The following NPAS2 variants were observed in gnomAD, a reference collection of about 807,000 sequenced individuals.
The protein encoded by NPAS2 is neuronal PAS domain protein 2.
A neutral mutation model predicts 107.5 loss-of-function variants in NPAS2; 23 were observed. The ratio of observed to expected loss-of-function variants is 0.21; its 90% CI spans 0.15 to 0.30. The LOEUF is 0.30. Ranked by LOEUF, NPAS2 falls within the 10% of genes least tolerant of loss-of-function variation. The pLI, the probability that NPAS2 is intolerant of heterozygous loss-of-function variation, is 1.00. For synonymous variants in NPAS2, 403 were observed against 417.5 expected (o/e 0.97, Z 0.42); for missense variants, 756 against 1,043.3 (o/e 0.72, Z 3.79).
rs149225990 is a variant in NPAS2, at chr2:100,831,619, G to A, written c.-23+11205G>A. Among the ~76,000 whole-genome samples the A allele has an allele frequency of 3.1e-4, 47 of 152,298 alleles. No individual in the cohort carries two copies. In the East Asian group the frequency reaches 9.1e-3, roughly 29 times the overall value. ...CTCTCCAAGGCCTTCTTAATGGTCA[G>A]AGAGAATTTTCCTTTTATGGCCTCC... On this transcript the variant is annotated intron_variant, in intron 1 of 20. Transcript: ENST00000335681.
chr2:100,857,724 G>A (rs1461984963), intron 1 of NPAS2, among the ~76,000 whole-genome samples: 1 of 152,238 alleles, frequency 6.6e-6, no homozygotes, highest in African/African-American at 2.4e-5. Flanking sequence ...AAGTGTTTCT[G>A]TGCACCCGGC....
chr2:100,933,070 C>A (rs770649608), intron 4 of NPAS2, 69 bp downstream of exon 4: 28 of 1,156,622 alleles, frequency 2.4e-5, no homozygotes, highest in Non-Finnish European at 3.1e-5. Flanking sequence ...GCAGATAAGT[C>A]CCTGTACCCA....
chr2:100,949,336 T>C (rs573632948), intron 6 of NPAS2, 31 bp from the exon 7 acceptor site: 1 of 1,319,344 alleles, frequency 7.6e-7, no homozygotes, highest in Admixed American at 1.7e-5. Context: ...TCACGACCCC[T>C]TTCTCTCCTC....
At chr2:100,873,734 G>A (rs1679771464) in intron 1 of NPAS2, among the ~76,000 whole-genome samples, 1 of 152,108 alleles carries the variant, frequency 6.6e-6, no homozygotes, top group African/African-American at 2.4e-5. Context: ...TTTGTGAGTG[G>A]ATTAGGATTG....
At chr2:100,881,727 C>T (rs1257923020) in intron 1 of NPAS2, among the ~76,000 whole-genome samples, 1 of 152,028 alleles carries the variant, frequency 6.6e-6, no homozygotes, top group Non-Finnish European at 1.5e-5. Flanking sequence ...ATTTACAAGA[C>T]ACTTCGAGGT....
intron 1 of NPAS2, among the ~76,000 whole-genome samples, chr2:100,888,634 A>G (rs1412883914): frequency 6.6e-6 from 1 of 152,112 alleles, no homozygotes. Flanking sequence ...TGTTCAGGGG[A>G]AAATAGTTAA....
intron 13 of NPAS2, chr2:100,975,147 A>C: frequency 1.6e-6 from 1 of 611,044 alleles, no homozygotes; most frequent in Middle Eastern, 4.4e-4. Flanking sequence ...TTCATTGCCA[A>C]GCAAAGACAT....
At chr2:100,922,047 ACT>A (rs1447752671) in intron 2 of NPAS2, among the ~76,000 whole-genome samples, 2 of 152,192 alleles carry the variant, frequency 1.3e-5, no homozygotes, top group Non-Finnish European at 2.9e-5. Context: ...AAGACTGTAT[ACT>A]CTGATTCCAG....
rs1676339555 is a variant in NPAS2 at position 100,968,148 on chromosome 2, A to T, written c.908-133A>T. 1.1e-6 allele frequency: 1 copy of T among 886,210 alleles called. No individual in the cohort carries two copies. Among genetic ancestry groups the T allele is most frequent in the Non-Finnish European group, 1.7e-6 (1 of 572,842 alleles). The allele number at this position is 886,210 out of a possible 1,614,324, so 54.9% of individuals were successfully genotyped here. ...TGATCCTGACAGTCACTTAAAATAC[A>T]GGGCAACCGGGGAAACAAGCCATGT... On this transcript the variant is annotated intron_variant, in intron 10 of 20. Transcript: ENST00000335681. The surrounding 1 kb of genome is among the most constrained non-coding windows in gnomAD (Gnocchi z 5.3).
At position 100,965,161 on chromosome 2, in the gene NPAS2, C is replaced by T. The variant is rs549677464; in HGVS notation, c.800+218C>T. Among the ~76,000 whole-genome samples the T allele has an allele frequency of 6.6e-6, 1 of 152,292 alleles. No individual in the cohort carries two copies. Among genetic ancestry groups the T allele is most frequent in the Admixed American group, 6.5e-5 (1 of 15,296 alleles). ...CTGTGTTTGGGTCTGATGGCTCAGC[C>T]CCGGGCCATCTTTGGGATGATCCTC... On this transcript the variant is annotated intron_variant, in intron 9 of 20. Transcript: ENST00000335681. This position sits in a 1 kb window ranked among gnomAD's most constrained non-coding sequence, Gnocchi z 4.3.
intron 1 of NPAS2, among the ~76,000 whole-genome samples, chr2:100,843,744 A>G (rs1340273304): frequency 1.3e-5 from 2 of 152,186 alleles, no homozygotes; most frequent in African/African-American, 4.8e-5. Context: ...ACATTTATAA[A>G]GAGATCTAAA....
At chr2:100,897,870 G>A (rs745729450) in intron 1 of NPAS2, among the ~76,000 whole-genome samples, 12 of 152,186 alleles carry the variant, frequency 7.9e-5, no homozygotes, top group Non-Finnish European at 1.5e-4. Context: ...CAGGCACTCA[G>A]GGAGTATCTG....
intron 1 of NPAS2, among the ~76,000 whole-genome samples, chr2:100,838,000 G>C (rs1164581096): frequency 2.0e-5 from 3 of 152,146 alleles, no homozygotes; most frequent in African/African-American, 7.2e-5. Flanking sequence ...TCAGCCTTCT[G>C]TCATGAGGTC....
chr2:100,966,640 C>G (rs1055043787), intron 10 of NPAS2, among the ~76,000 whole-genome samples: 2 of 144,214 alleles, frequency 1.4e-5, no homozygotes, highest in Middle Eastern at 3.5e-3. Flanking sequence ...GTCACCCAGG[C>G]TGGAGTGCAG....
At chr2:100,967,119 C>T (rs1239194867) in intron 10 of NPAS2, among the ~76,000 whole-genome samples, 2 of 152,042 alleles carry the variant, frequency 1.3e-5, no homozygotes, top group Non-Finnish European at 2.9e-5. Flanking sequence ...GAATTACATT[C>T]AGCAATTGAA....
chr2:100,848,329 G>A (rs974171), intron 1 of NPAS2, among the ~76,000 whole-genome samples: 119,501 of 152,194 alleles, frequency 0.79, 47,664 homozygotes, highest in African/African-American at 0.91. Context: ...TTCTAGAAGA[G>A]ATTCCTGTAT....
chr2:100,869,290 T>C (rs1295912760), intron 1 of NPAS2, among the ~76,000 whole-genome samples: 1 of 152,218 alleles, frequency 6.6e-6, no homozygotes, highest in Non-Finnish European at 1.5e-5. Context: ...GAGGTCATTG[T>C]GAATCTGATT....
Position 100,909,804 on chromosome 2 carries a change from C to T in NPAS2, c.32+5018C>T, listed in dbSNP as rs547426207. On this transcript the variant is annotated intron_variant, in intron 2 of 20. Coordinates refer to ENST00000335681, the MANE Select transcript of NPAS2 (RefSeq NM_002518.4). ...AGAACGCAGGAGGTAATAGGACATG[C>T]GATTCGTGTATATTACCTTGTAATT... is the stretch of plus-strand genomic sequence containing the variant. 8.6e-5 allele frequency among the ~76,000 whole-genome samples: 13 copies of T among 151,894 alleles called. No homozygotes were observed. The East Asian group carries it at 9.7e-4, about 11-fold the overall frequency.
In NPAS2 at chr2:100,901,912, G is replaced by A. The variant is rs181520384; in HGVS notation, c.-22-2821G>A. Among the ~76,000 whole-genome samples, 66 of 152,104 alleles carry A rather than the reference G, an allele frequency of 4.3e-4. 1 individual carries two copies. Among genetic ancestry groups the A allele is most frequent in the Admixed American group, 3.7e-3 (56 of 15,262 alleles). ...CACACCTCGTGACTGTCTACGCCACGTAGGACACATGGTTATCTGGGGTAA... is the reference window on the plus strand; with the variant it reads ...CACACCTCGTGACTGTCTACGCCACATAGGACACATGGTTATCTGGGGTAA... On this transcript the variant is annotated intron_variant, in intron 1 of 20. Coordinates refer to ENST00000335681, the MANE Select transcript of NPAS2 (RefSeq NM_002518.4).
Sources: gnomAD v4.1 joint callset for allele counts (sites outside exome capture counted in the v4.1 genomes callset) on GRCh38, gnomAD v4.1.1 for gene constraint, Gnocchi (gnomAD v3.1) non-coding constraint, MANE v1.5 for transcripts, NCBI Gene and HGNC (gene_info 2026-07-23, HGNC 2026-07-21) for gene names.